The following CATSPERE variants were observed in gnomAD, a reference collection of about 807,000 sequenced individuals.
The protein encoded by CATSPERE is catsper channel auxiliary subunit epsilon.
In CATSPERE, 93 loss-of-function variants were observed where a neutral mutation model predicts 114.1. The observed-to-expected ratio is 0.81, with a 90% CI of 0.69 to 0.97. The LOEUF is 0.97. Among genes scored for constraint, CATSPERE ranks in the 50% least tolerant of loss-of-function variants. The probability of loss-of-function intolerance (pLI) is 0.00; values close to 1 mark genes in which losing one functional copy is unlikely to be tolerated. For missense variants in CATSPERE, 1,058 were observed against 1,131.6 expected (o/e 0.93, Z 0.93); for synonymous variants, 341 against 384.1 (o/e 0.89, Z 1.31).
intron 8 of CATSPERE, among the ~76,000 whole-genome samples, chr1:244,548,962 C>A (rs1217406951): frequency 6.6e-6 from 1 of 152,176 alleles, no homozygotes; most frequent in Non-Finnish European, 1.5e-5. Context: ...TGGCCTACCA[C>A]CTCACCACTT....
chr1:244,637,672 C>T (rs1363958505), intron 21 of CATSPERE, among the ~76,000 whole-genome samples: 4 of 152,052 alleles, frequency 2.6e-5, no homozygotes, highest in African/African-American at 9.7e-5. Context: ...ACCAGTACAC[C>T]CTCACCCCTC....
upstream of CATSPERE, among the ~76,000 whole-genome samples, chr1:244,452,296 G>A (rs1349994484): frequency 6.6e-6 from 1 of 152,284 alleles, no homozygotes; most frequent in Non-Finnish European, 1.5e-5. Flanking sequence ...TCTGGGCTGC[G>A]GCGGTGTATT....
At chr1:244,460,193 C>T (rs1666541003), upstream of CATSPERE, among the ~76,000 whole-genome samples, 1 of 152,206 alleles carries the variant, frequency 6.6e-6, no homozygotes, top group East Asian at 1.9e-4. Context: ...AGCAGACCTC[C>T]TTCTTGCCTG....
At chr1:244,476,994 C>A (rs1669461555) in intron 2 of CATSPERE, among the ~76,000 whole-genome samples, 1 of 151,894 alleles carries the variant, frequency 6.6e-6, no homozygotes, top group African/African-American at 2.4e-5. Flanking sequence ...TAGATTATTT[C>A]TTTTCTTTTC....
At chr1:244,552,204 C>A in intron 8 of CATSPERE, 118 bp from the exon 9 acceptor site, 1 of 1,274,586 alleles carries the variant, frequency 7.8e-7, no homozygotes, top group Non-Finnish European at 1.0e-6. Context: ...TATTATTTGT[C>A]TTATCCAGAT....
chr1:244,609,226 A>C (rs1670399048), intron 18 of CATSPERE, among the ~76,000 whole-genome samples: 2 of 152,164 alleles, frequency 1.3e-5, no homozygotes, highest in African/African-American at 4.8e-5. Flanking sequence ...AAAATTATGA[A>C]TAGATAGAAA....
intron 2 of CATSPERE, among the ~76,000 whole-genome samples, chr1:244,465,269 C>T (rs1304748787): frequency 2.0e-5 from 3 of 152,074 alleles, no homozygotes; most frequent in East Asian, 1.9e-4. Flanking sequence ...CTCCTGACCT[C>T]GTGATCCACC....
rs551240008 is a variant in CATSPERE at position 244,516,730 on chromosome 1, G to A, written c.430-1862G>A. Among the ~76,000 whole-genome samples, 43 of 152,078 alleles carry A rather than the reference G, an allele frequency of 2.8e-4. 1 individual carries two copies. Among genetic ancestry groups the A allele is most frequent in the Non-Finnish European group, 5.0e-4 (34 of 68,006 alleles). On this transcript the variant is annotated intron_variant, in intron 7 of 21. Coordinates refer to ENST00000366534, the MANE Select transcript of CATSPERE (RefSeq NM_001130957.2). Reference sequence around the variant, plus strand: ...AGAGACAGAGTTTCACCATGTTGGCGAGGCTAGCCTCGAACTCTTGACTTC... The same window carrying A: ...AGAGACAGAGTTTCACCATGTTGGCAAGGCTAGCCTCGAACTCTTGACTTC...
chr1:244,562,201 A>G (rs1662677292), intron 10 of CATSPERE, among the ~76,000 whole-genome samples: 1 of 151,272 alleles, frequency 6.6e-6, no homozygotes, highest in African/African-American at 2.4e-5. Context: ...CCAGACTTTC[A>G]AACAAGCAAA....
At chr1:244,493,546 A>G (rs1359072666) in intron 6 of CATSPERE, among the ~76,000 whole-genome samples, 1 of 152,218 alleles carries the variant, frequency 6.6e-6, no homozygotes, top group African/African-American at 2.4e-5. Flanking sequence ...ATGGGCAAGG[A>G]CTTCATGTCT....
chr1:244,515,190 C>T (rs75428718), intron 7 of CATSPERE: 64 of 224,804 alleles, frequency 2.8e-4, no homozygotes, highest in African/African-American at 1.5e-3. Context: ...CTACTATACA[C>T]GAGCCGTTAT....
intron 10 of CATSPERE, 115 bp from the exon 11 acceptor site, chr1:244,572,215 A>T: frequency 1.6e-6 from 1 of 642,782 alleles, no homozygotes; most frequent in Non-Finnish European, 2.8e-6. Flanking sequence ...ACTTTCTCAA[A>T]GTATGAAAAT....
intron 5 of CATSPERE, among the ~76,000 whole-genome samples, 158 bp from the exon 6 acceptor site, chr1:244,490,289 G>A (rs760367711): frequency 1.3e-5 from 2 of 152,060 alleles, no homozygotes; most frequent in African/African-American, 4.8e-5. Context: ...ATAGACATGT[G>A]ATTTTTTGTT....
chr1:244,579,247 G>A (rs1665808728), intron 11 of CATSPERE, among the ~76,000 whole-genome samples: 1 of 145,972 alleles, frequency 6.9e-6, no homozygotes, highest in Non-Finnish European at 1.5e-5. Flanking sequence ...GTGTACTGTA[G>A]TTAATTTCAT....
At chr1:244,478,093 T>C in intron 4 of CATSPERE, 118 bp downstream of exon 4, 1 of 644,332 alleles carries the variant, frequency 1.6e-6, no homozygotes, top group Non-Finnish European at 2.5e-6. Context: ...TTAAATAGTA[T>C]TAATTGTTAA....
At chr1:244,580,887 G>C (rs1028226466) in intron 11 of CATSPERE, among the ~76,000 whole-genome samples, 3 of 152,060 alleles carry the variant, frequency 2.0e-5, no homozygotes, top group Admixed American at 2.0e-4. Flanking sequence ...TGTAATCCCA[G>C]CTACTCGGGA....
chr1:244,639,805 T>C, intron 21 of CATSPERE, 123 bp from the exon 22 acceptor site: 1 of 859,072 alleles, frequency 1.2e-6, no homozygotes, highest in Admixed American at 2.7e-5. Context: ...ACAGTGTGTC[T>C]TATTCACCTT....
At chr1:244,529,492 T>G (rs115357833) in intron 8 of CATSPERE, among the ~76,000 whole-genome samples, 73 of 152,310 alleles carry the variant, frequency 4.8e-4, no homozygotes, top group African/African-American at 1.7e-3. Flanking sequence ...TTAGATCTTT[T>G]GCCCATTTTT....
chr1:244,584,540 A>ATATAT (rs1024877723), intron 13 of CATSPERE, among the ~76,000 whole-genome samples: 2 of 118,858 alleles, frequency 1.7e-5, no homozygotes, highest in Admixed American at 2.0e-4. Flanking sequence ...TTACTATATT[A>ATATAT]TATATTATAT....
Sources: allele counts gnomAD v4.1 joint callset (sites outside exome capture counted in the v4.1 genomes callset), GRCh38; gene constraint gnomAD v4.1.1; transcripts MANE v1.5; gene names NCBI Gene and HGNC (gene_info 2026-07-23, HGNC 2026-07-21).